DLG2: variants seen among roughly 807,000 people sequenced by gnomAD.
DLG2 encodes discs large MAGUK scaffold protein 2.
Under a neutral mutation model 132.5 loss-of-function variants are expected in DLG2, and 45 were observed. The ratio of observed to expected loss-of-function variants is 0.34; its 90% CI spans 0.27 to 0.44. The LOEUF (loss-of-function observed/expected upper bound fraction) is 0.44. Ranked by LOEUF, DLG2 falls within the 20% of genes least tolerant of loss-of-function variation. The pLI is 1.00. For missense variants in DLG2, 1,045 were observed against 1,196.9 expected (o/e 0.87, Z 1.87); for synonymous variants, 424 against 419.6 (o/e 1.01, Z -0.13).
intron 6 of DLG2, among the ~76,000 whole-genome samples, chr11:84,865,330 G>C (rs1022073554): frequency 5.3e-5 from 8 of 152,106 alleles, no homozygotes; most frequent in African/African-American, 1.9e-4. Flanking sequence ...TTCCAACACT[G>C]TTGTAGGTTA....
chr11:84,067,424 T>A (rs1316373152), intron 10 of DLG2, among the ~76,000 whole-genome samples: 2 of 152,132 alleles, frequency 1.3e-5, no homozygotes, highest in Admixed American at 6.5e-5. Context: ...AAACAGAAGT[T>A]ATGAAAAGGG....
At chr11:85,305,756 G>A (rs369523752) in intron 3 of DLG2, among the ~76,000 whole-genome samples, 2 of 152,092 alleles carry the variant, frequency 1.3e-5, no homozygotes, top group Non-Finnish European at 2.9e-5. Context: ...CTCATGGTCC[G>A]CCCGCCTCGG....
At chr11:85,292,925 G>T (rs1383244137) in intron 3 of DLG2, among the ~76,000 whole-genome samples, 2 of 142,260 alleles carry the variant, frequency 1.4e-5, no homozygotes, top group Admixed American at 7.0e-5. Context: ...GTACTAGAAA[G>T]TAAGGAAGTG....
At chr11:84,419,858 G>A (rs747715543) in intron 7 of DLG2, among the ~76,000 whole-genome samples, 14 of 152,132 alleles carry the variant, frequency 9.2e-5, no homozygotes, top group Non-Finnish European at 1.9e-4. Flanking sequence ...TACACACTGC[G>A]TGCTTGGCTC....
chr11:85,027,639 A>C (rs2060647152), intron 6 of DLG2, among the ~76,000 whole-genome samples: 1 of 152,246 alleles, frequency 6.6e-6, no homozygotes, highest in South Asian at 2.1e-4. Context: ...GTGGCAAGGC[A>C]GACAGCTCCA....
chr11:84,211,781 G>A (rs1373236908), intron 8 of DLG2, among the ~76,000 whole-genome samples: 2 of 152,086 alleles, frequency 1.3e-5, no homozygotes, highest in East Asian at 3.8e-4. Context: ...ATTTAACTCA[G>A]CAGAAAAATC....
rs896290803 is a variant in DLG2, at chr11:85,485,699, T to G, written c.40+112958A>C. On this transcript the variant is annotated intron_variant, in intron 3 of 27. Transcript: ENST00000376104. ...ACTCTCACCGCAGGCTTTTGCATTC[T>G]TGGCTATGAGAGAACCTCTTGGCCC... Among the ~76,000 whole-genome samples the G allele has an allele frequency of 1.3e-5, 2 of 152,172 alleles. 1 individual carries two copies. The highest frequency in any genetic ancestry group is 2.9e-5 in the Non-Finnish European group (2 of 68,026).
At chr11:84,275,243 G>T (rs2097772908) in intron 7 of DLG2, among the ~76,000 whole-genome samples, 1 of 152,172 alleles carries the variant, frequency 6.6e-6, no homozygotes, top group Non-Finnish European at 1.5e-5. Context: ...AAAAGGTAAA[G>T]AATTCATAGT....
chr11:84,573,928 G>A (rs1326467471), intron 6 of DLG2, among the ~76,000 whole-genome samples: 1 of 152,192 alleles, frequency 6.6e-6, no homozygotes, highest in African/African-American at 2.4e-5. Context: ...AAAGACAGAT[G>A]TGTTGAGAGA....
At chr11:83,846,129 G>T (rs1019678364) in intron 16 of DLG2, among the ~76,000 whole-genome samples, 1 of 152,224 alleles carries the variant, frequency 6.6e-6, no homozygotes, top group African/African-American at 2.4e-5. Context: ...ATCTGAACTA[G>T]ATCTTGACAG....
At chr11:85,070,365 G>A (rs1175192763) in intron 6 of DLG2, among the ~76,000 whole-genome samples, 3 of 151,356 alleles carry the variant, frequency 2.0e-5, no homozygotes, top group Admixed American at 6.6e-5. Context: ...TATATTGACT[G>A]CAGCACTATT....
intron 2 of DLG2, among the ~76,000 whole-genome samples, chr11:85,604,312 C>T (rs2080371286): frequency 6.6e-6 from 1 of 152,190 alleles, no homozygotes; most frequent in African/African-American, 2.4e-5. Context: ...TGATCATCAC[C>T]TGGAGTCAAT....
intron 5 of DLG2, among the ~76,000 whole-genome samples, chr11:85,117,798 C>A (rs2073838928): frequency 1.3e-5 from 2 of 151,898 alleles, no homozygotes; most frequent in Non-Finnish European, 2.9e-5. Flanking sequence ...TGGGACTGAG[C>A]AATTTTAATT....
At chr11:84,591,987 G>A (rs1338615237) in intron 6 of DLG2, among the ~76,000 whole-genome samples, 1 of 152,088 alleles carries the variant, frequency 6.6e-6, no homozygotes, top group East Asian at 1.9e-4. Flanking sequence ...CTGAGTAGCT[G>A]GGACCATAGG....
intron 9 of DLG2, among the ~76,000 whole-genome samples, chr11:84,161,173 A>C (rs527841047): frequency 6.6e-6 from 1 of 152,216 alleles, no homozygotes; most frequent in South Asian, 2.1e-4. Context: ...GCTAACTTGG[A>C]CTGGGGTTTT....
chr11:83,478,083 A>G (rs1315172688), intron 22 of DLG2, among the ~76,000 whole-genome samples: 2 of 151,988 alleles, frequency 1.3e-5, no homozygotes, highest in African/African-American at 4.8e-5. Flanking sequence ...TCTCTCTCCT[A>G]CTATTATGTG....
rs144676635 is a variant in DLG2 at position 83,768,987 on chromosome 11, A to AAT, written c.1825+17701_1825+17702dup. ...TTTATTCTATCATTCACAAAATGGGAATAACAGTGTTTACAGTGCTTTGTG... is the reference window on the plus strand; with the variant it reads ...TTTATTCTATCATTCACAAAATGGGAATATAACAGTGTTTACAGTGCTTTGTG... On this transcript the variant is annotated intron_variant, in intron 18 of 27. Coordinates refer to ENST00000376104, the MANE Select transcript of DLG2 (RefSeq NM_001142699.3). Among the ~76,000 whole-genome samples the AAT allele has an allele frequency of 1.4e-3, 216 of 152,336 alleles. 1 individual carries two copies. The highest frequency in any genetic ancestry group is 4.9e-3 in the African/African-American group (203 of 41,588).
intron 6 of DLG2, among the ~76,000 whole-genome samples, chr11:84,548,432 G>A (rs1256119340): frequency 7.7e-5 from 8 of 103,602 alleles, no homozygotes; most frequent in Admixed American, 3.2e-4. Context: ...ATCCCCACCC[G>A]CCCCCCACCC....
chr11:85,047,253 A>C (rs547245203), intron 6 of DLG2, among the ~76,000 whole-genome samples: 1 of 152,090 alleles, frequency 6.6e-6, no homozygotes, highest in South Asian at 2.1e-4. Context: ...GCATATCTTA[A>C]TTTCCTCATT....
Sources: gnomAD v4.1 joint callset for allele counts (sites outside exome capture counted in the v4.1 genomes callset) on GRCh38, gnomAD v4.1.1 for gene constraint, MANE v1.5 for transcripts, NCBI Gene and HGNC (gene_info 2026-07-23, HGNC 2026-07-21) for gene names.